Variants in GXYLT1 observed in about 807,000 individuals in gnomAD.
The protein encoded by GXYLT1 is glucoside xylosyltransferase 1.
In GXYLT1, 29 loss-of-function variants were observed where a neutral mutation model predicts 54.0. That is an observed-to-expected ratio of 0.54 (90% confidence interval 0.40 to 0.73). The LOEUF (loss-of-function observed/expected upper bound fraction) is 0.73, where lower values mean the gene tolerates loss of function less well. GXYLT1 is among the 30% of genes least tolerant of loss of function. The pLI, the probability that GXYLT1 is intolerant of heterozygous loss-of-function variation, is 0.00. For missense variants in GXYLT1, 490 were observed against 553.4 expected (o/e 0.89, Z 1.15); for synonymous variants, 176 against 204.1 (o/e 0.86, Z 1.17).
intron 2 of GXYLT1, among the ~76,000 whole-genome samples, chr12:42,121,304 T>C (rs1361812365): frequency 6.6e-6 from 1 of 152,196 alleles, no homozygotes; most frequent in Non-Finnish European, 1.5e-5. Flanking sequence ...ATCAGCTATA[T>C]ACACAGACAA....
intron 2 of GXYLT1, among the ~76,000 whole-genome samples, chr12:42,120,724 T>TG (rs1248267458): frequency 2.0e-5 from 3 of 146,786 alleles, no homozygotes; most frequent in East Asian, 2.0e-4. Flanking sequence ...TTTGTAGAGA[T>TG]GGGGTCTCAC....
chr12:42,110,334 A>C (rs2080873641), intron 3 of GXYLT1, among the ~76,000 whole-genome samples: 1 of 152,210 alleles, frequency 6.6e-6, no homozygotes, highest in Admixed American at 6.5e-5. Context: ...TCTCATTCTT[A>C]TTTCAACAGA....
intron 5 of GXYLT1, among the ~76,000 whole-genome samples, chr12:42,099,746 AG>A (rs1240834983): frequency 6.6e-6 from 1 of 152,180 alleles, no homozygotes; most frequent in African/African-American, 2.4e-5. Flanking sequence ...GCTACTTGGA[AG>A]GCTGAGGTGG....
At chr12:42,133,516 T>G (rs1255081134) in intron 1 of GXYLT1, among the ~76,000 whole-genome samples, 1 of 152,012 alleles carries the variant, frequency 6.6e-6, no homozygotes, top group African/African-American at 2.4e-5. Context: ...ATCAACAGCC[T>G]CCACTGAGCT....
At position 42,109,582 on chromosome 12, in the gene GXYLT1, T is replaced by C; in HGVS notation, c.596A>G (p.Gln199Arg). Residue 199 changes from glutamine to arginine, a missense_variant, in exon 4 of 8, where the codon CAG becomes CGG. By Grantham distance (43) the Gln-to-Arg change is conservative (BLOSUM62 1). This residue lies in a region of GXYLT1 where 342 missense variants were observed against 342.6 expected (regional missense o/e 1.00). Transcript: ENST00000398675. ...WKKLFKPCAS[Q>R]RLFLPLILKE... The stretch of plus-strand genomic sequence containing the variant: ...AAAACTTACCGGCAAGAACAATCTC[T>C]GCGAAGCACATGGTTTAAAGAGTTT... 1.3e-6 allele frequency: 2 copies of C among 1,567,204 alleles called. No individual in the cohort carries two copies. Among genetic ancestry groups the C allele is most frequent in the Non-Finnish European group, 1.7e-6 (2 of 1,159,766 alleles).
intron 1 of GXYLT1, among the ~76,000 whole-genome samples, chr12:42,137,575 G>A (rs543110711): frequency 1.3e-5 from 2 of 150,850 alleles, no homozygotes; most frequent in East Asian, 3.9e-4. Context: ...ACACGGTGCG[G>A]TGAAACCCTG....
In GXYLT1 at chr12:42,138,136, A is replaced by C. The variant is rs181165276; in HGVS notation, c.221+6290T>G. ...TAAAAAATCAGCAAGGTGTGGTGGC[A>C]TGCGCCTGTAGTCCCAGCTACTCAG... On this transcript the variant is annotated intron_variant, in intron 1 of 7. Transcript: ENST00000398675. Among the ~76,000 whole-genome samples the C allele has an allele frequency of 2.0e-5, 3 of 152,216 alleles. No individual in the cohort carries two copies. In the East Asian group the frequency reaches 5.8e-4, roughly 30 times the overall value.
chr12:42,109,751 A>G, intron 3 of GXYLT1, 60 bp from the exon 4 acceptor site: 1 of 1,096,262 alleles, frequency 9.1e-7, no homozygotes, highest in South Asian at 1.5e-5. Context: ...GTAAAATCAT[A>G]AAACAACAGA....
chr12:42,099,619 G>A (rs58745493), intron 5 of GXYLT1, among the ~76,000 whole-genome samples: 3,671 of 152,234 alleles, frequency 0.024, 145 homozygotes, highest in African/African-American at 0.084. Context: ...TTGGGAGGCC[G>A]AGGCAGGCTG....
intron 5 of GXYLT1, among the ~76,000 whole-genome samples, chr12:42,101,043 A>AG (rs2065386990): frequency 6.6e-6 from 1 of 152,112 alleles, no homozygotes; most frequent in Non-Finnish European, 1.5e-5. Context: ...AAAAATAAAA[A>AG]GGGAAAAAAA....
chr12:42,119,211 A>AT, intron 2 of GXYLT1, 40 bp from the exon 3 acceptor site: 1 of 1,465,776 alleles, frequency 6.8e-7, no homozygotes, highest in Non-Finnish European at 9.3e-7. Flanking sequence ...CAGTTTTAGT[A>AT]TATGTTTACA....
At chr12:42,141,393 TGA>T (rs1197072685) in intron 1 of GXYLT1, among the ~76,000 whole-genome samples, 4 of 152,216 alleles carry the variant, frequency 2.6e-5, no homozygotes, top group Non-Finnish European at 5.9e-5. Context: ...ATGTTTTGCT[TGA>T]GATAGTTTTA....
intron 1 of GXYLT1, among the ~76,000 whole-genome samples, chr12:42,143,959 C>T (rs1242508471): frequency 1.3e-5 from 2 of 152,118 alleles, no homozygotes; most frequent in African/African-American, 2.4e-5. Context: ...AGCGTTAACA[C>T]AGGAAAATCA....
intron 3 of GXYLT1, among the ~76,000 whole-genome samples, chr12:42,112,003 T>C (rs535798139): frequency 2.0e-5 from 3 of 152,352 alleles, no homozygotes; most frequent in East Asian, 3.9e-4. Context: ...CTGCAGCCAC[T>C]GCTGCTGATA....
In GXYLT1 at chr12:42,118,947, G is replaced by A. The variant is rs1432924731; in HGVS notation, c.486+53C>T. 7 of 1,271,090 alleles carry A rather than the reference G, an allele frequency of 5.5e-6. No homozygotes were observed. In the East Asian group the frequency reaches 1.5e-4, roughly 27 times the overall value. 78.7% of individuals were successfully genotyped at this position (1,271,090 alleles called of 1,614,324 possible). A position where few individuals can be genotyped will look rare whatever the true frequency, so the allele number is the denominator to read the frequency against. ...ACTATTACAACAACATTCTATTATA[G>A]TATATTATTAAATATTCAACTCTAC... On this transcript the variant is annotated intron_variant, in intron 3 of 7. Transcript: ENST00000398675.
chr12:42,144,684 G>A lies in GXYLT1; in HGVS notation c.-38C>T. 2.8e-6 allele frequency: 3 copies of A among 1,088,576 alleles called. No individual in the cohort carries two copies. Among genetic ancestry groups the A allele is most frequent in the Non-Finnish European group, 3.7e-6 (3 of 804,100 alleles). The allele number at this position is 1,088,576 out of a possible 1,614,324, so 67.4% of individuals were successfully genotyped here. Reference sequence around the variant, plus strand: ...GCTCCTCCTTCGCCGCCGCCGCCGCGCCCGCCCCGACGAACTGGAGCGGAG... The same window carrying A: ...GCTCCTCCTTCGCCGCCGCCGCCGCACCCGCCCCGACGAACTGGAGCGGAG... On this transcript the variant is annotated 5_prime_UTR_variant, in exon 1 of 8. Transcript: ENST00000398675.
At chr12:42,125,712 T>C (rs1200653184) in intron 2 of GXYLT1, among the ~76,000 whole-genome samples, 2 of 152,122 alleles carry the variant, frequency 1.3e-5, no homozygotes, top group Non-Finnish European at 2.9e-5. Context: ...AAGTTCTTTT[T>C]ATTAAAAGAA....
chr12:42,112,812 G>A (rs1193328736), intron 3 of GXYLT1, among the ~76,000 whole-genome samples: 1 of 150,960 alleles, frequency 6.6e-6, no homozygotes, highest in African/African-American at 2.5e-5. Context: ...TACTCCTCAA[G>A]AAGAGCAACT....
At chr12:42,114,500 A>C (rs1451646807) in intron 3 of GXYLT1, among the ~76,000 whole-genome samples, 1 of 152,198 alleles carries the variant, frequency 6.6e-6, no homozygotes. Context: ...TACTATAAAG[A>C]CCTCTACGCA....
Sources: allele counts gnomAD v4.1 joint callset (sites outside exome capture counted in the v4.1 genomes callset), GRCh38; gene constraint gnomAD v4.1.1; regional missense constraint gnomAD v4.1.1; transcripts MANE v1.5; gene names NCBI Gene and HGNC (gene_info 2026-07-23, HGNC 2026-07-21).